Variants in BRME1 observed in about 807,000 individuals in gnomAD.
The protein encoded by BRME1 is BRCA2 and MEILB2-associating protein 1.
A neutral mutation model predicts 52.6 loss-of-function variants in BRME1; 31 were observed. That is an observed-to-expected ratio of 0.59 (90% CI 0.44 to 0.80). The LOEUF (loss-of-function observed/expected upper bound fraction) is 0.80, where lower values mean the gene tolerates loss of function less well. BRME1 is among the 30% of genes least tolerant of loss of function. The pLI, the probability that BRME1 is intolerant of heterozygous loss-of-function variation, is 0.00. For missense variants in BRME1, 804 were observed against 860.3 expected (o/e 0.93, Z 0.82); for synonymous variants, 359 against 353.6 (o/e 1.02, Z -0.17).
At chr19:13,891,506 C>T (rs1441266428) in intron 5 of BRME1, among the ~76,000 whole-genome samples, 2 of 149,032 alleles carry the variant, frequency 1.3e-5, no homozygotes, top group African/African-American at 2.5e-5. Context: ...CTCACTCTTT[C>T]GTCCAGGCTG....
At position 13,888,145 on chromosome 19, in the gene BRME1, C is replaced by T. The variant is rs1969173366; in HGVS notation, c.1668+1043G>A. Reference sequence around the variant, plus strand: ...CACCATGTTGGCCAGGCTGGTCCTGCTCTCCTGCCTCGGTCTCCCAAAGTC... The same window carrying T: ...CACCATGTTGGCCAGGCTGGTCCTGTTCTCCTGCCTCGGTCTCCCAAAGTC... On this transcript the variant is annotated intron_variant, in intron 6 of 8. Transcript: ENST00000586783. This position sits in a 1 kb window ranked among gnomAD's most constrained non-coding sequence, Gnocchi z 4.1. Among the ~76,000 whole-genome samples the T allele has an allele frequency of 6.6e-6, 1 of 151,816 alleles. No individual in the cohort carries two copies. The highest frequency in any genetic ancestry group is 2.4e-5 in the African/African-American group (1 of 41,340).
chr19:13,891,499 AC>A (rs1351090029), intron 5 of BRME1, among the ~76,000 whole-genome samples: 1 of 146,518 alleles, frequency 6.8e-6, no homozygotes, highest in Non-Finnish European at 1.5e-5. Context: ...ACAGGGTCTC[AC>A]TCTTTCGTCC....
rs1006737896 is a variant in BRME1, at chr19:13,888,537, C to T, written c.1668+651G>A. Among the ~76,000 whole-genome samples, 3 of 152,228 alleles carry T rather than the reference C, an allele frequency of 2.0e-5. No individual in the cohort carries two copies. In the South Asian group the frequency reaches 6.2e-4, roughly 31 times the overall value. On this transcript the variant is annotated intron_variant, in intron 6 of 8. Coordinates refer to ENST00000586783, the MANE Select transcript of BRME1 (RefSeq NM_001345843.2). The surrounding 1 kb of genome is among the most constrained non-coding windows in gnomAD (Gnocchi z 4.1). ...GGCAGGGCTGAAGCAAGGCTGCCAT[C>T]TGCCCAGACAGGAGAATGAACGCCA... is the stretch of plus-strand genomic sequence containing the variant.
rs572948366 is a variant in BRME1, at chr19:13,894,772, C to T, written c.206+600G>A. Among the ~76,000 whole-genome samples, 3 of 152,278 alleles carry T rather than the reference C, an allele frequency of 2.0e-5. No individual in the cohort carries two copies. In the South Asian group the frequency reaches 6.2e-4, roughly 32 times the overall value. ...CACATAACAACAATTCCTTTGTTCCCTTCTTGATTAAGGAAGAGGAGGAAT... is the reference window on the plus strand; with the variant it reads ...CACATAACAACAATTCCTTTGTTCCTTTCTTGATTAAGGAAGAGGAGGAAT... On this transcript the variant is annotated intron_variant, in intron 3 of 8. Coordinates refer to ENST00000586783, the MANE Select transcript of BRME1 (RefSeq NM_001345843.2).
intron 2 of BRME1, among the ~76,000 whole-genome samples, chr19:13,903,760 C>T (rs1368883693): frequency 6.6e-6 from 1 of 151,998 alleles, no homozygotes; most frequent in East Asian, 1.9e-4. Flanking sequence ...AGAAACACTG[C>T]TCTAAAGGAA....
rs957455434 is a variant in BRME1, at chr19:13,888,126, G to T, written c.1668+1062C>A. 1.3e-5 allele frequency among the ~76,000 whole-genome samples: 2 copies of T among 152,068 alleles called. No individual in the cohort carries two copies. Among genetic ancestry groups the T allele is most frequent in the Middle Eastern group, 3.5e-3 (1 of 288 alleles). On this transcript the variant is annotated intron_variant, in intron 6 of 8. Coordinates refer to ENST00000586783, the MANE Select transcript of BRME1 (RefSeq NM_001345843.2). This position sits in a 1 kb window ranked among gnomAD's most constrained non-coding sequence, Gnocchi z 4.1. ...TTTGGTAGAGATGGGGCTTCACCAT[G>T]TTGGCCAGGCTGGTCCTGCTCTCCT...
At chr19:13,898,372 C>T (rs1970050310) in intron 2 of BRME1, among the ~76,000 whole-genome samples, 1 of 152,190 alleles carries the variant, frequency 6.6e-6, no homozygotes, top group Non-Finnish European at 1.5e-5. Context: ...GTCCCAGCTA[C>T]TCAGGAGGCT....
rs1968989279 is a variant in BRME1, at chr19:13,886,020, C to A, written c.1704G>T (p.Trp568Cys). ...CATTGGCATGTGAGCTGGGGCCCGG[C>A]CAGCAAGGGCCCGGCTTGTTCCCCG... is the stretch of plus-strand genomic sequence containing the variant. ...FPSGNKPGPC[W>C]PGPSSHANGD... Residue 568 changes from tryptophan (W) to cysteine (C), a missense_variant, in exon 7 of 9, where the codon TGG becomes TGT. Trp to Cys is a radical substitution (Grantham distance 215). Transcript: ENST00000586783. The A allele has an allele frequency of 1.9e-6, 3 of 1,613,906 alleles. No homozygotes were observed. Among genetic ancestry groups the A allele is most frequent in the African/African-American group, 2.7e-5 (2 of 74,936 alleles).
intron 3 of BRME1, 126 bp from the exon 4 acceptor site, chr19:13,893,349 G>C (rs1969653180): frequency 2.8e-6 from 2 of 722,024 alleles, no homozygotes; most frequent in Admixed American, 2.9e-5. Flanking sequence ...ACCAACCTGG[G>C]GAACATGGTG....
chr19:13,902,281 G>A (rs1269006616), intron 2 of BRME1, among the ~76,000 whole-genome samples: 1 of 152,136 alleles, frequency 6.6e-6, no homozygotes, highest in Non-Finnish European at 1.5e-5. Flanking sequence ...GGAGGCTGCA[G>A]TGAGTCAAGA....
Position 13,893,146 on chromosome 19 carries a change from GAAGGA to G in BRME1, c.279_283del (p.Ser95GlufsTer26), listed in dbSNP as rs1164715710. The G allele has an allele frequency of 6.3e-7, 1 of 1,596,714 alleles. No homozygotes were observed. Among genetic ancestry groups the G allele is most frequent in the South Asian group, 1.1e-5 (1 of 87,634 alleles). On this transcript the variant is annotated frameshift_variant, in exon 4 of 9. Coordinates refer to ENST00000586783, the MANE Select transcript of BRME1 (RefSeq NM_001345843.2). LOFTEE classifies it high-confidence loss of function. ...GAGGCCACAGGACGAGCTCACCTGG[GAAGGA>G]GGAAGGGGAGCTGGCTCCTTTTCTG...
intron 3 of BRME1, among the ~76,000 whole-genome samples, chr19:13,893,827 C>A (rs8103156): frequency 1.3e-5 from 2 of 151,798 alleles, no homozygotes; most frequent in Admixed American, 6.6e-5. Flanking sequence ...TGAAATGTCA[C>A]GATCATCTGA....
At position 13,890,320 on chromosome 19, in the gene BRME1, G is replaced by T. The variant is rs1969390391; in HGVS notation, c.536C>A (p.Pro179His). 6.2e-7 allele frequency: 1 copy of T among 1,604,940 alleles called. No homozygotes were observed. The highest frequency in any genetic ancestry group is 1.7e-5 in the Admixed American group (1 of 59,292). ...CCCACTGCCGGGCACCGCCTGCACAGGGCTCTGGCTGCTCTGCTCAGGGCG... is the reference window on the plus strand; with the variant it reads ...CCCACTGCCGGGCACCGCCTGCACATGGCTCTGGCTGCTCTGCTCAGGGCG... ...SARPEQSSQS[P>H]VQAVPGSGDS... is the part of the protein sequence containing the mutation. Residue 179 changes from proline (P) to histidine (H), a missense_variant, in exon 6 of 9, where the codon CCT becomes CAT. By Grantham distance (77) the Pro-to-His change is moderately conservative (BLOSUM62 -2). Transcript: ENST00000586783.
Position 13,889,543 on chromosome 19 carries a change from G to A in BRME1, c.1313C>T (p.Ala438Val), listed in dbSNP as rs367919307. 27 of 1,613,636 alleles carry A rather than the reference G, an allele frequency of 1.7e-5. No homozygotes were observed. Among genetic ancestry groups the A allele is most frequent in the African/African-American group, 2.7e-5 (2 of 74,936 alleles). The change falls in exon 6 of 9, where the codon GCA becomes GTA. Residue 438 changes from alanine to valine, a missense_variant. Coordinates refer to ENST00000586783, the MANE Select transcript of BRME1 (RefSeq NM_001345843.2). Reference protein sequence around the residue: ...SMMGAGDSGHASPDTGPCVNQ... With the variant: ...SMMGAGDSGHVSPDTGPCVNQ... ...GACACATGGACCTGTGTCCGGGGATGCATGACCGGAATCTCCAGCACCCAT... is the reference window on the plus strand; with the variant it reads ...GACACATGGACCTGTGTCCGGGGATACATGACCGGAATCTCCAGCACCCAT...
At chr19:13,892,118 C>T (rs10419382) in intron 5 of BRME1, among the ~76,000 whole-genome samples, 56,024 of 151,424 alleles carry the variant, frequency 0.37, 14,803 homozygotes, top group African/African-American at 0.75. Flanking sequence ...GCCATGTTGC[C>T]CAGGCTGGTC....
rs756544648 is a variant in BRME1 at position 13,889,984 on chromosome 19, C to A, written c.872G>T (p.Gly291Val). 3.7e-6 allele frequency: 6 copies of A among 1,612,888 alleles called. No homozygotes were observed. The East Asian group carries it at 1.3e-4, about 36-fold the overall frequency. The change falls in exon 6 of 9, where the codon GGA (glycine) becomes GTA (valine). Residue 291 changes from glycine (G) to valine (V), a missense_variant. Gly to Val is a moderately radical substitution (Grantham distance 109). Coordinates refer to ENST00000586783, the MANE Select transcript of BRME1 (RefSeq NM_001345843.2). Reference sequence around the variant, plus strand: ...CAGGCACCAAGAGGCAGGGCCCAGTCCTGGAGCAGGGCCTGAGGTAGGAGC... The same window carrying A: ...CAGGCACCAAGAGGCAGGGCCCAGTACTGGAGCAGGGCCTGAGGTAGGAGC... The part of the protein sequence containing the change: ...ASAPTSGPAP[G>V]LGPASWCLEP...
intron 2 of BRME1, among the ~76,000 whole-genome samples, chr19:13,896,830 A>C (rs145131482): frequency 6.6e-6 from 1 of 151,748 alleles, no homozygotes; most frequent in African/African-American, 2.4e-5. Flanking sequence ...TAGCTGGGAC[A>C]AAAGGTGTGT....
Position 13,890,265 on chromosome 19 carries a change from CCT to C in BRME1, c.589_590del (p.Arg197GlyfsTer22), listed in dbSNP as rs772439235. On this transcript the variant is annotated frameshift_variant, in exon 6 of 9. Coordinates refer to ENST00000586783, the MANE Select transcript of BRME1 (RefSeq NM_001345843.2). LOFTEE classifies it high-confidence loss of function. ...TCTGTGAGGCGGACAACCCCGTCCC[CCT>C]GTCTGGAGGGTCATCAGGCTGAGAA... is the stretch of plus-strand genomic sequence containing the variant. ...GDSQPDDPPD[R>X]GTGLSASQRA... 5.0e-6 allele frequency: 8 copies of C among 1,613,786 alleles called. No individual in the cohort carries two copies. The highest frequency in any genetic ancestry group is 2.7e-5 in the African/African-American group (2 of 75,054).
intron 5 of BRME1, 140 bp downstream of exon 5, chr19:13,892,646 C>A: frequency 1.6e-6 from 1 of 638,882 alleles, no homozygotes; most frequent in South Asian, 1.8e-5. Flanking sequence ...ACATCCATAG[C>A]GCAATGTACT....
Sources: allele counts gnomAD v4.1 joint callset (sites outside exome capture counted in the v4.1 genomes callset), GRCh38; gene constraint gnomAD v4.1.1; non-coding constraint Gnocchi (gnomAD v3.1); transcripts MANE v1.5; gene names NCBI Gene and HGNC (gene_info 2026-07-23, HGNC 2026-07-21).